The following SNTG1 variants were observed in gnomAD, a reference collection of about 807,000 sequenced individuals.
The protein encoded by SNTG1 is gamma-1-syntrophin.
In SNTG1, 39 loss-of-function variants were observed where a neutral mutation model predicts 74.7. That is an observed-to-expected ratio of 0.52 (90% CI 0.40 to 0.68). The LOEUF (loss-of-function observed/expected upper bound fraction) is 0.68. SNTG1 is among the 30% of genes least tolerant of loss of function. The pLI is 0.00. For synonymous variants in SNTG1, 254 were observed against 217.1 expected (o/e 1.17, Z -1.49); for missense variants, 685 against 609.5 (o/e 1.12, Z -1.30).
At chr8:50,479,348 T>A (rs1563445477) in intron 8 of SNTG1, among the ~76,000 whole-genome samples, 2 of 152,144 alleles carry the variant, frequency 1.3e-5, no homozygotes, top group Non-Finnish European at 2.9e-5. Context: ...TTGAATCTCA[T>A]CTGATGCCAC....
At chr8:50,386,273 T>C (rs2092572704) in intron 2 of SNTG1, among the ~76,000 whole-genome samples, 2 of 152,094 alleles carry the variant, frequency 1.3e-5, no homozygotes, top group Non-Finnish European at 1.5e-5. Flanking sequence ...ACAGCCCCTC[T>C]TCTGATTGGT....
At chr8:50,167,343 A>G (rs940886686) in intron 1 of SNTG1, among the ~76,000 whole-genome samples, 4 of 150,432 alleles carry the variant, frequency 2.7e-5, no homozygotes, top group African/African-American at 7.3e-5. Context: ...TAAAAAAAAA[A>G]ATCTTTGAAA....
intron 1 of SNTG1, among the ~76,000 whole-genome samples, chr8:50,140,002 A>G (rs1397993148): frequency 6.6e-6 from 1 of 152,216 alleles, no homozygotes; most frequent in African/African-American, 2.4e-5. Context: ...TCTGTTTTAT[A>G]TTGCAAAGAA....
intron 1 of SNTG1, among the ~76,000 whole-genome samples, chr8:49,979,219 G>A (rs753433985): frequency 5.9e-5 from 9 of 152,186 alleles, no homozygotes; most frequent in Non-Finnish European, 1.3e-4. Context: ...CCTTTGGGGC[G>A]GTGCAGCCAG....
At chr8:50,035,565 G>A (rs538441509) in intron 1 of SNTG1, among the ~76,000 whole-genome samples, 1 of 152,312 alleles carries the variant, frequency 6.6e-6, no homozygotes, top group East Asian at 1.9e-4. Context: ...TCACCTTAGT[G>A]TGAAAATGAG....
chr8:50,417,526 G>A (rs2093029931), intron 4 of SNTG1, among the ~76,000 whole-genome samples: 1 of 152,144 alleles, frequency 6.6e-6, no homozygotes, highest in Non-Finnish European at 1.5e-5. Context: ...CAGTGGAGAT[G>A]TTATATAATT....
At chr8:50,477,748 T>C (rs753743192) in intron 8 of SNTG1, among the ~76,000 whole-genome samples, 1 of 152,212 alleles carries the variant, frequency 6.6e-6, no homozygotes, top group Non-Finnish European at 1.5e-5. Context: ...ATGGGAACTC[T>C]CTGTGCTGTC....
rs145588109 is a variant in SNTG1, at chr8:50,178,469, G to A, written c.-28+5834G>A. Among the ~76,000 whole-genome samples, 25 of 151,596 alleles carry A rather than the reference G, an allele frequency of 1.6e-4. No individual in the cohort carries two copies. The East Asian group carries it at 4.5e-3, about 27-fold the overall frequency. ...TTGTTGGAGGTTATCTAACATGTTA[G>A]TTTTGAAATTAACAAGTTGGGAAAG... is the stretch of plus-strand genomic sequence containing the variant. On this transcript the variant is annotated intron_variant, in intron 2 of 18. Transcript: ENST00000642720.
chr8:50,726,414 G>T (rs1254233199), intron 17 of SNTG1, among the ~76,000 whole-genome samples: 1 of 152,188 alleles, frequency 6.6e-6, no homozygotes, highest in Non-Finnish European at 1.5e-5. Flanking sequence ...CCGAAGTTGG[G>T]GGAGCGCTCA....
intron 3 of SNTG1, among the ~76,000 whole-genome samples, chr8:50,399,260 C>G (rs550167619): frequency 6.6e-6 from 1 of 151,962 alleles, no homozygotes; most frequent in South Asian, 2.1e-4. Context: ...AAAAATCCTT[C>G]TCATTCTTTA....
chr8:50,110,287 T>C (rs1364192284), intron 1 of SNTG1, among the ~76,000 whole-genome samples: 1 of 152,174 alleles, frequency 6.6e-6, no homozygotes, highest in Non-Finnish European at 1.5e-5. Flanking sequence ...ATGGATGCTT[T>C]GAGTGGTCTC....
At chr8:50,377,163 TGTAA>T (rs550454146) in intron 2 of SNTG1, among the ~76,000 whole-genome samples, 2 of 149,442 alleles carry the variant, frequency 1.3e-5, no homozygotes, top group South Asian at 4.2e-4. Flanking sequence ...GAAATTTTGA[TGTAA>T]GTGAGTTTGG....
chr8:50,583,691 T>A (rs1011576481), intron 12 of SNTG1, among the ~76,000 whole-genome samples: 2 of 151,780 alleles, frequency 1.3e-5, no homozygotes, highest in Non-Finnish European at 2.9e-5. Context: ...CCTGGAACTG[T>A]AAGTAAATAG....
At chr8:50,785,883 C>T (rs1422150234) in intron 18 of SNTG1, among the ~76,000 whole-genome samples, 1 of 151,882 alleles carries the variant, frequency 6.6e-6, no homozygotes, top group East Asian at 1.9e-4. Context: ...CAGAGCAATA[C>T]ACCGTATTAA....
intron 1 of SNTG1, among the ~76,000 whole-genome samples, chr8:49,982,839 A>G (rs1812808995): frequency 6.6e-6 from 1 of 152,196 alleles, no homozygotes; most frequent in Non-Finnish European, 1.5e-5. Context: ...ATACTCATAG[A>G]AGATGTCAGA....
intron 1 of SNTG1, among the ~76,000 whole-genome samples, chr8:50,098,823 G>A (rs1035993996): frequency 6.6e-6 from 1 of 152,092 alleles, no homozygotes; most frequent in Non-Finnish European, 1.5e-5. Context: ...AATGTTCTAG[G>A]TTTTGAAGAT....
intron 1 of SNTG1, among the ~76,000 whole-genome samples, chr8:49,970,679 A>G (rs927747326): frequency 3.3e-5 from 5 of 152,234 alleles, no homozygotes; most frequent in African/African-American, 1.2e-4. Flanking sequence ...TCTAATTCGC[A>G]TGTCTCTAGA....
At chr8:50,001,714 C>T (rs1274965424) in intron 1 of SNTG1, among the ~76,000 whole-genome samples, 2 of 152,102 alleles carry the variant, frequency 1.3e-5, no homozygotes, top group African/African-American at 4.8e-5. Context: ...CAATAACTTC[C>T]CTCTGAGAAT....
chr8:50,324,059 T>C (rs1275113302), intron 2 of SNTG1, among the ~76,000 whole-genome samples: 1 of 152,182 alleles, frequency 6.6e-6, no homozygotes, highest in Non-Finnish European at 1.5e-5. Context: ...GCAGTCTTTG[T>C]ATCCTATACT....
Sources: gnomAD v4.1 joint callset for allele counts (sites outside exome capture counted in the v4.1 genomes callset) on GRCh38, gnomAD v4.1.1 for gene constraint, MANE v1.5 for transcripts, NCBI Gene and HGNC (gene_info 2026-07-23, HGNC 2026-07-21) for gene names.